SLC26A4: variants seen among roughly 807,000 people sequenced by gnomAD.
SLC26A4 encodes solute carrier family 26 member 4.
SLC26A4 carries 93 observed loss-of-function variants against 90.4 expected under a neutral mutation model. The observed-to-expected ratio is 1.03, with a 90% confidence interval of 0.87 to 1.22. SLC26A4 has a LOEUF of 1.22. Ranked by LOEUF, SLC26A4 falls within the 50% of genes most tolerant of loss-of-function variation. The pLI is 0.00. For missense variants in SLC26A4, 1,127 were observed against 946.2 expected (o/e 1.19, Z -2.51); for synonymous variants, 393 against 354.6 (o/e 1.11, Z -1.22).
chr7:107,683,667 T>A (rs952884334), intron 8 of SLC26A4, 130 bp downstream of exon 8: 1 of 772,514 alleles, frequency 1.3e-6, no homozygotes, highest in African/African-American at 1.8e-5. Context: ...GTGTGTGATC[T>A]GGAAGAAACA....
chr7:107,702,451 G>A (rs932771968), intron 17 of SLC26A4, among the ~76,000 whole-genome samples: 8 of 152,184 alleles, frequency 5.3e-5, no homozygotes, highest in African/African-American at 1.4e-4. Flanking sequence ...CAGCACTTCG[G>A]GAGGCTGAGG....
In SLC26A4 at chr7:107,715,659, G is replaced by A. The variant is rs1056025973; in HGVS notation, c.*213G>A. ...AGAATTATTCAGACGATTTGGCAGC[G>A]TCCAGGGTAAGCTGGTGTTATAATA... is the stretch of plus-strand genomic sequence containing the variant. On this transcript the variant is annotated 3_prime_UTR_variant, in exon 21 of 21. Transcript: ENST00000644269. 46 of 597,052 alleles carry A rather than the reference G, an allele frequency of 7.7e-5. No individual in the cohort carries two copies. The highest frequency in any genetic ancestry group is 1.3e-4 in the Non-Finnish European group (45 of 333,914). The allele number at this position is 597,052 out of a possible 1,614,324, so 37.0% of individuals were successfully genotyped here. A position where few individuals can be genotyped will look rare whatever the true frequency, so the allele number is the denominator to read the frequency against.
At chr7:107,705,012 G>A (rs1252165119) in intron 18 of SLC26A4, among the ~76,000 whole-genome samples, 1 of 152,104 alleles carries the variant, frequency 6.6e-6, no homozygotes, top group East Asian at 1.9e-4. Context: ...CCTGTGCCTT[G>A]CATGACCCCA....
chr7:107,670,059 TTG>T (rs1790821800), intron 3 of SLC26A4, among the ~76,000 whole-genome samples: 1 of 152,156 alleles, frequency 6.6e-6, no homozygotes, highest in Non-Finnish European at 1.5e-5. Flanking sequence ...TCATTGTGTA[TTG>T]TGTTTCTTGT....
At chr7:107,664,716 T>G (rs1236173081) in intron 3 of SLC26A4, among the ~76,000 whole-genome samples, 1 of 152,212 alleles carries the variant, frequency 6.6e-6, no homozygotes, top group Non-Finnish European at 1.5e-5. Flanking sequence ...TTTTATAAAC[T>G]GAGTTCATAC....
chr7:107,712,759 A>AG (rs1792226774), intron 20 of SLC26A4, 137 bp downstream of exon 20: 1 of 657,704 alleles, frequency 1.5e-6, no homozygotes, highest in South Asian at 1.7e-5. Context: ...GCTTCATAGC[A>AG]GGGAAAAAGA....
chr7:107,683,134 G>A (rs1461455540), intron 6 of SLC26A4, 68 bp from the exon 7 acceptor site: 4 of 1,107,318 alleles, frequency 3.6e-6, no homozygotes, highest in Non-Finnish European at 5.4e-6. Flanking sequence ...GATTGTGTGT[G>A]TGTGCGTGTG....
intron 4 of SLC26A4, among the ~76,000 whole-genome samples, chr7:107,673,004 T>A (rs1790916809): frequency 6.6e-6 from 1 of 152,212 alleles, no homozygotes; most frequent in African/African-American, 2.4e-5. Context: ...CCCCAACCCA[T>A]GTTTTTGTCC....
rs139623905 is a variant in SLC26A4 at position 107,663,312 on chromosome 7, G to T, written c.181G>T (p.Ala61Ser). 2 of 1,614,228 alleles carry T rather than the reference G, an allele frequency of 1.2e-6. No individual in the cohort carries two copies. The highest frequency in any genetic ancestry group is 1.7e-6 in the Non-Finnish European group (2 of 1,180,036). Residue 61 changes from alanine (A) to serine (S), a missense_variant, in exon 3 of 21, where the codon GCC (alanine) becomes TCC (serine). Coordinates refer to ENST00000644269, the MANE Select transcript of SLC26A4 (RefSeq NM_000441.2). ...TTTTGACAGTTGTTCAAGAAAGAGA[G>T]CCTTTGGTGTGCTAAAGACTCTTGT... The part of the protein sequence containing the change: ...AKCCSCSRKR[A>S]FGVLKTLVPI...
At chr7:107,686,288 T>C (rs28717031) in intron 8 of SLC26A4, among the ~76,000 whole-genome samples, 1 of 104,830 alleles carries the variant, frequency 9.5e-6, no homozygotes, top group Admixed American at 9.7e-5. Flanking sequence ...CTTCCCTCCC[T>C]TTCCTACCTT....
At position 107,689,050 on chromosome 7, in the gene SLC26A4, T is replaced by C. The variant is rs1367022807; in HGVS notation, c.1002-3T>C. ...CAGCATTTTTCACTTAAAAACTCACTAGGTTTTTGCCTCCTGAACTTCCAC... is the reference window on the plus strand; with the variant it reads ...CAGCATTTTTCACTTAAAAACTCACCAGGTTTTTGCCTCCTGAACTTCCAC... On this transcript the variant is annotated splice_polypyrimidine_tract_variant and splice_region_variant and intron_variant, in intron 8 of 20. Transcript: ENST00000644269. 3 of 1,613,858 alleles carry C rather than the reference T, an allele frequency of 1.9e-6. No individual in the cohort carries two copies. The highest frequency in any genetic ancestry group is 1.1e-5 in the South Asian group (1 of 91,082).
intron 6 of SLC26A4, among the ~76,000 whole-genome samples, chr7:107,682,875 C>G (rs186568524): frequency 1.3e-5 from 2 of 152,090 alleles, no homozygotes; most frequent in Non-Finnish European, 2.9e-5. Flanking sequence ...GACATTTTTT[C>G]TTTTAAGACA....
At chr7:107,691,915 G>T (rs1791588301) in intron 10 of SLC26A4, 2 of 1,285,030 alleles carry the variant, frequency 1.6e-6, no homozygotes, top group Admixed American at 2.3e-5. Flanking sequence ...TCAGGCTGCA[G>T]CTGTCAGCAG....
intron 6 of SLC26A4, among the ~76,000 whole-genome samples, chr7:107,680,057 A>G (rs1232422956): frequency 7.7e-6 from 1 of 129,614 alleles, no homozygotes; most frequent in African/African-American, 3.1e-5. Flanking sequence ...ATTATATAAT[A>G]TAATCTTATT....
Position 107,716,580 on chromosome 7 carries a change from ATCTTT to A in SLC26A4, c.*1141_*1145del, listed in dbSNP as rs1184585579. The A allele has an allele frequency of 6.6e-6, 1 of 152,190 alleles. No individual in the cohort carries two copies. The highest frequency in any genetic ancestry group is 1.5e-5 in the Non-Finnish European group (1 of 68,034). 9.4% of individuals were successfully genotyped at this position (152,190 alleles called of 1,614,324 possible). On this transcript the variant is annotated 3_prime_UTR_variant, in exon 21 of 21. Transcript: ENST00000644269. ...GGTTTTTTTGACCAAAAGTTTTTAT[ATCTTT>A]TCTTTTTATTTATTTTTTTCCTAAG... is the stretch of plus-strand genomic sequence containing the variant.
chr7:107,696,319 A>G (rs1791742113), intron 13 of SLC26A4, among the ~76,000 whole-genome samples: 1 of 152,198 alleles, frequency 6.6e-6, no homozygotes, highest in South Asian at 2.1e-4. Flanking sequence ...TGGCAGAGCT[A>G]AGATTTGAAC....
At chr7:107,710,651 C>T (rs1296917665) in intron 19 of SLC26A4, among the ~76,000 whole-genome samples, 1 of 152,174 alleles carries the variant, frequency 6.6e-6, no homozygotes, top group Non-Finnish European at 1.5e-5. Context: ...AATCAAGCCA[C>T]AAAGAAGCCC....
chr7:107,705,264 G>T (rs1792009811), intron 18 of SLC26A4, among the ~76,000 whole-genome samples: 1 of 152,154 alleles, frequency 6.6e-6, no homozygotes, highest in African/African-American at 2.4e-5. Context: ...GTCTCAGGAG[G>T]TCATGTGTAG....
chr7:107,694,403 G>A lies in SLC26A4; in HGVS notation c.1264G>A (p.Val422Ile). Residue 422 changes from valine (V) to isoleucine (I), a missense_variant and splice_region_variant, in exon 11 of 21, where the codon GTT (valine) becomes ATT (isoleucine). Transcript: ENST00000644269. ...TTCATAGGAGGTGTGTGTCTTCCAG[G>A]TTGCTGGCATCATCTCTGCTGCGAT... The part of the protein sequence containing the change: ...VQESTGGKTQ[V>I]AGIISAAIVM... The A allele has an allele frequency of 1.9e-6, 3 of 1,612,840 alleles. No homozygotes were observed. In the South Asian group the frequency reaches 3.3e-5, roughly 18 times the overall value.
Sources: allele counts gnomAD v4.1 joint callset (sites outside exome capture counted in the v4.1 genomes callset), GRCh38; gene constraint gnomAD v4.1.1; transcripts MANE v1.5; gene names NCBI Gene and HGNC (gene_info 2026-07-23, HGNC 2026-07-21).